ADAMTS19: variants seen among roughly 807,000 people sequenced by gnomAD.
The protein encoded by ADAMTS19 is ADAM metallopeptidase with thrombospondin type 1 motif 19, also known as A disintegrin and metalloproteinase with thrombospondin motifs 19.
A neutral mutation model predicts 153.3 loss-of-function variants in ADAMTS19; 93 were observed. The observed-to-expected ratio is 0.61, with a 90% CI of 0.51 to 0.72. ADAMTS19 has a LOEUF of 0.72. Among genes scored for constraint, ADAMTS19 ranks in the 30% least tolerant of loss-of-function variants. The pLI, the probability that ADAMTS19 is intolerant of heterozygous loss-of-function variation, is 0.00. For synonymous variants in ADAMTS19, 600 were observed against 556.6 expected, an observed-to-expected ratio of 1.08 and a Z score of -1.10; for missense variants, 1,482 against 1,552.1, an observed-to-expected ratio of 0.95 and a Z score of 0.76.
chr5:129,702,941 A>AAAATATATATATATATATATATAT, intron 20 of ADAMTS19, among the ~76,000 whole-genome samples: 16 of 29,276 alleles, frequency 5.5e-4, no homozygotes, highest in African/African-American at 9.4e-4. Flanking sequence ...AAAAAAAAAA[A>AAAATATATATATATATATATATAT]ATATATATAT....
chr5:129,663,251 A>G (rs1434573822), intron 15 of ADAMTS19, among the ~76,000 whole-genome samples: 10 of 152,098 alleles, frequency 6.6e-5, no homozygotes, highest in Admixed American at 5.9e-4. Flanking sequence ...AACTATGACC[A>G]TCACCAAAGT....
intron 8 of ADAMTS19, among the ~76,000 whole-genome samples, chr5:129,609,907 CTG>C (rs1186709261): frequency 1.3e-5 from 2 of 152,272 alleles, no homozygotes; most frequent in East Asian, 1.9e-4. Flanking sequence ...CACAGTTTCT[CTG>C]TGTTGGCAAG....
At chr5:129,588,006 T>C (rs914538022) in intron 7 of ADAMTS19, among the ~76,000 whole-genome samples, 1 of 152,184 alleles carries the variant, frequency 6.6e-6, no homozygotes, top group African/African-American at 2.4e-5. Context: ...GTTTCTATAG[T>C]TCACTGATGC....
chr5:129,536,308 A>G (rs1449825661), intron 6 of ADAMTS19, among the ~76,000 whole-genome samples: 4 of 152,202 alleles, frequency 2.6e-5, no homozygotes, highest in Non-Finnish European at 5.9e-5. Flanking sequence ...GACACATGAA[A>G]AAATGCTCAT....
chr5:129,684,240 A>G lies in ADAMTS19; in HGVS notation c.2785A>G (p.Ser929Gly). 6.2e-7 allele frequency: 1 copy of G among 1,614,186 alleles called. No homozygotes were observed. Among genetic ancestry groups the G allele is most frequent in the Non-Finnish European group, 8.5e-7 (1 of 1,180,030 alleles). The change falls in exon 18 of 23, where the codon AGC (serine) becomes GGC (glycine). Residue 929 changes from serine to glycine, a missense_variant. By Grantham distance (56) the Ser-to-Gly change is moderately conservative. Transcript: ENST00000274487. ...GCCCCTCTTCATGTGGACACACACAAGCTGGGAAGATTGCGATGCCACTTG... is the reference window on the plus strand; with the variant it reads ...GCCCCTCTTCATGTGGACACACACAGGCTGGGAAGATTGCGATGCCACTTG... ...PEPLFMWTHT[S>G]WEDCDATCGG...
At chr5:129,529,213 G>T (rs528304251) in intron 6 of ADAMTS19, among the ~76,000 whole-genome samples, 2 of 152,066 alleles carry the variant, frequency 1.3e-5, no homozygotes, top group African/African-American at 4.8e-5. Flanking sequence ...GCAACAATAT[G>T]CTCTATATGA....
intron 6 of ADAMTS19, among the ~76,000 whole-genome samples, chr5:129,545,015 CACTG>C (rs1752803248): frequency 6.6e-6 from 1 of 152,048 alleles, no homozygotes; most frequent in Admixed American, 6.6e-5. Flanking sequence ...CTTAACATCC[CACTG>C]ACTGAGTTCA....
intron 2 of ADAMTS19, among the ~76,000 whole-genome samples, chr5:129,471,556 T>G (rs564484955): frequency 5.3e-5 from 8 of 152,282 alleles, no homozygotes; most frequent in African/African-American, 1.7e-4. Flanking sequence ...AAGGTACTTT[T>G]TTTTTAAACT....
At position 129,533,337 on chromosome 5, in the gene ADAMTS19, C is replaced by T. The variant is rs943235984; in HGVS notation, c.1328+4660C>T. Reference sequence around the variant, plus strand: ...TATACATTTGTCAAAATTCACCAATCTTCTCATTTAACTTGTGTATATTTT... The same window carrying T: ...TATACATTTGTCAAAATTCACCAATTTTCTCATTTAACTTGTGTATATTTT... On this transcript the variant is annotated intron_variant, in intron 6 of 22. Transcript: ENST00000274487. Among the ~76,000 whole-genome samples, 4 of 152,076 alleles carry T rather than the reference C, an allele frequency of 2.6e-5. No individual in the cohort carries two copies. In the East Asian group the frequency reaches 7.7e-4, roughly 29 times the overall value.
At chr5:129,706,152 T>C (rs1481027327) in intron 21 of ADAMTS19, among the ~76,000 whole-genome samples, 1 of 152,224 alleles carries the variant, frequency 6.6e-6, no homozygotes, top group East Asian at 1.9e-4. Context: ...AGGAACTCAT[T>C]TGTTTCTTTT....
intron 4 of ADAMTS19, 112 bp from the exon 5 acceptor site, chr5:129,527,636 A>G: frequency 3.1e-6 from 1 of 322,276 alleles, no homozygotes; most frequent in Admixed American, 5.0e-5. Flanking sequence ...TTTTTTTTAA[A>G]AAAAAAAAAA....
chr5:129,461,658 G>A lies in ADAMTS19; in HGVS notation c.648G>A (p.Pro216=). ...GPGPTGAASA[P]QPPAPPDAGC... ...GCCCCACGGGGGCAGCATCCGCCCC[G>A]CAACCTCCCGCGCCACCAGACGCAG... Residue 216 remains proline, a synonymous_variant, in exon 2 of 23, where the codon CCG becomes CCA. Transcript: ENST00000274487. This position sits in a 1 kb window ranked among gnomAD's most constrained non-coding sequence, Gnocchi z 4.6. 2.5e-6 allele frequency: 4 copies of A among 1,586,586 alleles called. No homozygotes were observed. The East Asian group carries it at 7.1e-5, about 28-fold the overall frequency.
chr5:129,602,707 A>G (rs1750718740), intron 8 of ADAMTS19, among the ~76,000 whole-genome samples: 1 of 151,976 alleles, frequency 6.6e-6, no homozygotes. Flanking sequence ...TAACTTGTAG[A>G]TTTTTTTAAT....
chr5:129,667,259 A>G (rs568142077), intron 16 of ADAMTS19, among the ~76,000 whole-genome samples: 54 of 151,998 alleles, frequency 3.6e-4, no homozygotes, highest in Non-Finnish European at 5.9e-4. Context: ...TTCCCATACT[A>G]TGGGGTTCAG....
chr5:129,460,799 C>A, intron 1 of ADAMTS19: 1 of 496,722 alleles, frequency 2.0e-6, no homozygotes, highest in East Asian at 3.6e-5. Flanking sequence ...GCATACACTT[C>A]AGAAATCGTT....
chr5:129,709,435 A>G lies in ADAMTS19; in HGVS notation c.3312+5044A>G, dbSNP rs151301353. On this transcript the variant is annotated intron_variant, in intron 21 of 22. Coordinates refer to ENST00000274487, the MANE Select transcript of ADAMTS19 (RefSeq NM_133638.6). ...TAATTTCTTACCATAAATATTATTG[A>G]TGTTACTGAAATCCACTTCATATAT... is the stretch of plus-strand genomic sequence containing the variant. Among the ~76,000 whole-genome samples, 46 of 152,272 alleles carry G rather than the reference A, an allele frequency of 3.0e-4. No homozygotes were observed. The East Asian group carries it at 8.1e-3, about 27-fold the overall frequency.
In ADAMTS19 at chr5:129,461,370, C is replaced by T. The variant is rs1164471849; in HGVS notation, c.360C>T (p.Asp120=). The part of the protein sequence containing the change: ...RPPPPSEGEE[D]EELESQELPR... ...CGCCGCCGTCGGAGGGTGAGGAGGA[C>T]GAGGAGCTCGAGTCGCAGGAGCTGC... The change falls in exon 2 of 23, where the codon GAC becomes GAT. Residue 120 remains aspartate (D), a synonymous_variant. Transcript: ENST00000274487. This position sits in a 1 kb window ranked among gnomAD's most constrained non-coding sequence, Gnocchi z 4.6. 4 of 1,347,154 alleles carry T rather than the reference C, an allele frequency of 3.0e-6. No homozygotes were observed. 83.5% of individuals were successfully genotyped at this position (1,347,154 alleles called of 1,614,324 possible). A position where few individuals can be genotyped will look rare whatever the true frequency, so the allele number is the denominator to read the frequency against.
At chr5:129,519,855 T>C (rs1751736710) in intron 3 of ADAMTS19, among the ~76,000 whole-genome samples, 1 of 152,052 alleles carries the variant, frequency 6.6e-6, no homozygotes, top group Non-Finnish European at 1.5e-5. Flanking sequence ...TAGTTTCCAA[T>C]TTTTCTAAAA....
In ADAMTS19 at chr5:129,496,632, A is replaced by G. The variant is rs142850395; in HGVS notation, c.748-12445A>G. ...ACCTGGCAGTGATGAGTGCTTCCCC[A>G]AATCACAGCTGTGCAGCTTTCTCAG... On this transcript the variant is annotated intron_variant, in intron 2 of 22. Coordinates refer to ENST00000274487, the MANE Select transcript of ADAMTS19 (RefSeq NM_133638.6). 5.4e-3 allele frequency among the ~76,000 whole-genome samples: 820 copies of G among 151,796 alleles called. 8 individuals carry two copies. Among genetic ancestry groups the G allele is most frequent in the African/African-American group, 0.018 (763 of 41,426 alleles).
Sources: gnomAD v4.1 joint callset for allele counts (sites outside exome capture counted in the v4.1 genomes callset) on GRCh38, gnomAD v4.1.1 for gene constraint, Gnocchi (gnomAD v3.1) non-coding constraint, MANE v1.5 for transcripts, NCBI Gene and HGNC (gene_info 2026-07-23, HGNC 2026-07-21) for gene names.